Variants in ZFHX3 observed in about 807,000 individuals in gnomAD.
ZFHX3 encodes the protein zinc finger homeobox protein 3.
In ZFHX3, 42 loss-of-function variants were observed where a neutral mutation model predicts 279.1. That is an observed-to-expected ratio of 0.15 (90% confidence interval 0.12 to 0.19). The LOEUF (loss-of-function observed/expected upper bound fraction) is 0.19, where lower values mean the gene tolerates loss of function less well. ZFHX3 is among the 10% of genes least tolerant of loss of function. ZFHX3 has a pLI of 1.00. For missense variants in ZFHX3, 4,981 were observed against 4,754.0 expected (o/e 1.05, Z -1.40); for synonymous variants, 2,293 against 1,957.8 (o/e 1.17, Z -4.52).
At chr16:73,857,783 C>A (rs1193090695) in intron 1 of ZFHX3, among the ~76,000 whole-genome samples, 1 of 152,146 alleles carries the variant, frequency 6.6e-6, no homozygotes, top group Non-Finnish European at 1.5e-5. Context: ...AGAGGCTGAT[C>A]CTCATTTTTG....
rs780180308 is a variant in ZFHX3 at position 72,797,549 on chromosome 16, ATTGGCCTCT to A, written c.5124_5132del (p.Lys1708_Ala1710del). ...CAATCATATCTGCCAGTTTCTTCCG[ATTGGCCTCT>A]TTGGGCTCTGAAGGGGAAGCAATGT... On this transcript the variant is annotated inframe_deletion, in exon 9 of 10. Transcript: ENST00000268489. The A allele has an allele frequency of 1.9e-6, 3 of 1,613,856 alleles. No individual in the cohort carries two copies. Among genetic ancestry groups the A allele is most frequent in the Admixed American group, 3.3e-5 (2 of 60,004 alleles).
At chr16:73,304,577 C>T (rs376085665) in intron 4 of ZFHX3, among the ~76,000 whole-genome samples, 15 of 152,172 alleles carry the variant, frequency 9.9e-5, no homozygotes, top group Admixed American at 1.3e-4. Context: ...CGCATGCTCC[C>T]GTCTCGCCTG....
chr16:73,014,017 G>A (rs1964008203), intron 1 of ZFHX3, among the ~76,000 whole-genome samples: 1 of 152,188 alleles, frequency 6.6e-6, no homozygotes, highest in Admixed American at 6.5e-5. Context: ...GATTATCCAG[G>A]GGGCCTGATG....
chr16:73,397,003 G>A lies in ZFHX3; in HGVS notation c.-1291+59000C>T, dbSNP rs575024559. On this transcript the variant is annotated intron_variant, in intron 3 of 17. Transcript: ENST00000641206. ...AGGTGGTGGCAATGCCCCCTGCAGT[G>A]TGGAAGCAGCATAAGGAAATAAACC... Among the ~76,000 whole-genome samples, 18 of 152,350 alleles carry A rather than the reference G, an allele frequency of 1.2e-4. No homozygotes were observed. In the South Asian group the frequency reaches 3.7e-3, roughly 32 times the overall value.
intron 1 of ZFHX3, among the ~76,000 whole-genome samples, chr16:73,047,075 A>C (rs1965326974): frequency 6.6e-6 from 1 of 152,156 alleles, no homozygotes; most frequent in Non-Finnish European, 1.5e-5. Flanking sequence ...CAAGGCAGAA[A>C]AGAACATTTT....
chr16:73,863,200 C>T (rs140049091), intron 1 of ZFHX3, among the ~76,000 whole-genome samples: 5,161 of 152,156 alleles, frequency 0.034, 125 homozygotes, highest in South Asian at 0.079. Context: ...AGCGAGACTC[C>T]GTCTCAAAAT....
At chr16:73,423,702 G>C (rs2017759715) in intron 3 of ZFHX3, among the ~76,000 whole-genome samples, 1 of 152,030 alleles carries the variant, frequency 6.6e-6, no homozygotes, top group Non-Finnish European at 1.5e-5. Flanking sequence ...TCTCTACTAA[G>C]AATACAAAAC....
intron 2 of ZFHX3, among the ~76,000 whole-genome samples, chr16:73,551,241 C>T (rs1226598167): frequency 2.6e-5 from 4 of 152,048 alleles, no homozygotes; most frequent in South Asian, 2.1e-4. Context: ...AGGGAAAATG[C>T]GAGGGGGTTT....
At chr16:73,436,989 T>C (rs2018010648) in intron 3 of ZFHX3, among the ~76,000 whole-genome samples, 1 of 152,188 alleles carries the variant, frequency 6.6e-6, no homozygotes, top group Admixed American at 6.5e-5. Flanking sequence ...AGATTGAAGC[T>C]TCTTCAGTTG....
chr16:73,458,298 T>C (rs1247879926), intron 2 of ZFHX3, among the ~76,000 whole-genome samples: 1 of 147,854 alleles, frequency 6.8e-6, no homozygotes, highest in Non-Finnish European at 1.5e-5. Flanking sequence ...CTCTCTCTCT[T>C]TCCTTCTTTC....
intron 2 of ZFHX3, among the ~76,000 whole-genome samples, chr16:73,622,970 C>T (rs953038430): frequency 3.3e-5 from 5 of 152,266 alleles, no homozygotes; most frequent in South Asian, 2.1e-4. Context: ...TTTTTATCCT[C>T]GTCCAAAATG....
chr16:73,436,964 G>C (rs903334012), intron 3 of ZFHX3, among the ~76,000 whole-genome samples: 1 of 152,146 alleles, frequency 6.6e-6, no homozygotes, highest in Non-Finnish European at 1.5e-5. Context: ...GATTCAAGCT[G>C]GTCTTGCTTC....
intron 1 of ZFHX3, among the ~76,000 whole-genome samples, chr16:73,023,908 G>C (rs751567827): frequency 6.6e-6 from 1 of 152,138 alleles, no homozygotes. Flanking sequence ...ACAGGCTTAC[G>C]GGGAGGACAC....
chr16:73,801,143 CA>C (rs1342954329), intron 1 of ZFHX3, among the ~76,000 whole-genome samples: 2 of 152,134 alleles, frequency 1.3e-5, no homozygotes, highest in African/African-American at 4.8e-5. Flanking sequence ...AATTATATAG[CA>C]TATGTTTTTA....
chr16:73,508,411 G>C (rs1384510110), intron 2 of ZFHX3, among the ~76,000 whole-genome samples: 1 of 152,186 alleles, frequency 6.6e-6, no homozygotes, highest in Non-Finnish European at 1.5e-5. Context: ...GCAGCAATAA[G>C]CATGTTCCAG....
At chr16:73,074,448 T>C (rs1162106146) in intron 8 of ZFHX3, among the ~76,000 whole-genome samples, 1 of 152,234 alleles carries the variant, frequency 6.6e-6, no homozygotes, top group Non-Finnish European at 1.5e-5. Context: ...TGTATTCATG[T>C]TACGGATGAC....
At chr16:73,392,965 G>T (rs374328048) in intron 3 of ZFHX3, among the ~76,000 whole-genome samples, 45 of 152,330 alleles carry the variant, frequency 3.0e-4, no homozygotes, top group African/African-American at 1.1e-3. Flanking sequence ...CTCCTGAGTA[G>T]CTGGGATTAC....
intron 2 of ZFHX3, among the ~76,000 whole-genome samples, chr16:73,540,636 C>G (rs2019994396): frequency 6.6e-6 from 1 of 152,184 alleles, no homozygotes; most frequent in Non-Finnish European, 1.5e-5. Context: ...TTGACTTTTT[C>G]AAGTATTTTT....
intron 2 of ZFHX3, among the ~76,000 whole-genome samples, chr16:72,952,434 T>C (rs1448470860): frequency 2.0e-5 from 3 of 152,128 alleles, no homozygotes; most frequent in African/African-American, 7.2e-5. Context: ...ACCTTCCCTT[T>C]ATCACTCAGT....
Sources: gnomAD v4.1 joint callset for allele counts (sites outside exome capture counted in the v4.1 genomes callset) on GRCh38, gnomAD v4.1.1 for gene constraint, MANE v1.5 for transcripts, NCBI Gene and HGNC (gene_info 2026-07-23, HGNC 2026-07-21) for gene names.